FAH: variants seen among roughly 807,000 people sequenced by gnomAD.
The protein encoded by FAH is fumarylacetoacetate hydrolase.
FAH carries 47 observed loss-of-function variants against 55.8 expected under a neutral mutation model. The ratio of observed to expected loss-of-function variants is 0.84; its 90% CI spans 0.67 to 1.07. FAH has a LOEUF of 1.07. Among genes scored for constraint, FAH ranks in the 50% least tolerant of loss-of-function variants. The pLI is 0.00. For missense variants in FAH, 495 were observed against 545.9 expected (o/e 0.91, Z 0.93); for synonymous variants, 199 against 207.7 (o/e 0.96, Z 0.36).
At chr15:80,169,558 G>A (rs2041222825) in intron 7 of FAH, among the ~76,000 whole-genome samples, 1 of 151,650 alleles carries the variant, frequency 6.6e-6, no homozygotes, top group African/African-American at 2.4e-5. Context: ...TTCTGAGATG[G>A]AGTCTCACTC....
At chr15:80,160,318 G>C in intron 3 of FAH, 92 bp from the exon 4 acceptor site, 1 of 1,311,136 alleles carries the variant, frequency 7.6e-7, no homozygotes, top group South Asian at 1.2e-5. Context: ...TGGAGATTGT[G>C]GATAATCTTG....
In FAH at chr15:80,167,721, G is replaced by A. The variant is rs549594223; in HGVS notation, c.456-331G>A. 7.2e-5 allele frequency among the ~76,000 whole-genome samples: 11 copies of A among 151,976 alleles called. No individual in the cohort carries two copies. In the East Asian group the frequency reaches 1.4e-3, roughly 19 times the overall value. On this transcript the variant is annotated intron_variant, in intron 5 of 13. Coordinates refer to ENST00000561421, the MANE Select transcript of FAH (RefSeq NM_000137.4). ...TAATTTTTGTATTTTTAGTAAAGAC[G>A]GGGTTTCACCATGTTACCCAGGCTG...
chr15:80,184,003 A>G (rs1413067799), intron 13 of FAH, among the ~76,000 whole-genome samples: 2 of 152,186 alleles, frequency 1.3e-5, no homozygotes, highest in Non-Finnish European at 2.9e-5. Flanking sequence ...AAACCACAAA[A>G]TGTTCAGCAA....
At chr15:80,162,036 C>T (rs1209813225) in intron 4 of FAH, among the ~76,000 whole-genome samples, 2 of 152,196 alleles carry the variant, frequency 1.3e-5, no homozygotes, top group African/African-American at 4.8e-5. Context: ...CTCCTGATTT[C>T]TTATTTGTTT....
chr15:80,155,040 C>T (rs1197258685), intron 1 of FAH, among the ~76,000 whole-genome samples: 1 of 152,208 alleles, frequency 6.6e-6, no homozygotes, highest in African/African-American at 2.4e-5. Flanking sequence ...TGCCTTCAGG[C>T]CTTAGCACAT....
downstream of FAH, chr15:80,186,396 A>G (rs1392592912): frequency 3.0e-6 from 2 of 671,366 alleles, no homozygotes; most frequent in East Asian, 2.7e-5. Flanking sequence ...CAGTGGGTCA[A>G]GGTGTGTAAA....
chr15:80,179,693 G>A (rs2041313428), intron 11 of FAH, among the ~76,000 whole-genome samples: 1 of 152,198 alleles, frequency 6.6e-6, no homozygotes, highest in Non-Finnish European at 1.5e-5. Flanking sequence ...TGGGAGCGAG[G>A]GCTTTGCTCA....
chr15:80,172,501 A>G (rs1182358600), intron 8 of FAH, among the ~76,000 whole-genome samples: 1 of 152,000 alleles, frequency 6.6e-6, no homozygotes, highest in East Asian at 1.9e-4. Flanking sequence ...CTGAGCACTT[A>G]TGTGTCAGGC....
At chr15:80,161,814 AG>A (rs935176982) in intron 4 of FAH, among the ~76,000 whole-genome samples, 81 of 152,340 alleles carry the variant, frequency 5.3e-4, no homozygotes, top group African/African-American at 1.8e-3. Context: ...TAGAGAGAGC[AG>A]GGAGGGCTTC....
In FAH at chr15:80,168,079, C is replaced by T. The variant is rs116272698; in HGVS notation, c.483C>T (p.Gly161=). 1.6e-3 allele frequency: 2,541 copies of T among 1,614,126 alleles called. 33 individuals are homozygous for T. The African/African-American group carries it at 0.029, about 19-fold the overall frequency. The stretch of plus-strand genomic sequence containing the variant: ...TGCACTTACCAGTGGGCTACCATGG[C>T]CGTGCCTCCTCTGTCGTGGTGTCTG... ...NWLHLPVGYH[G]RASSVVVSGT... Residue 161 remains glycine (G), a synonymous_variant, in exon 6 of 14, where the codon GGC becomes GGT. Coordinates refer to ENST00000561421, the MANE Select transcript of FAH (RefSeq NM_000137.4).
chr15:80,181,044 G>A lies in FAH; in HGVS notation c.1065G>A (p.Glu355=). The A allele has an allele frequency of 1.9e-6, 3 of 1,611,988 alleles. No individual in the cohort carries two copies. Among genetic ancestry groups the A allele is most frequent in the Non-Finnish European group, 2.5e-6 (3 of 1,178,290 alleles). Residue 355 remains glutamate, a splice_region_variant and synonymous_variant, in exon 13 of 14, where the codon GAG becomes GAA. Coordinates refer to ENST00000561421, the MANE Select transcript of FAH (RefSeq NM_000137.4). ...LLASGTISGP[E]PENFGSMLEL... ...TTCTTCCCTTTCCTGTGATGAAGGA[G>A]CCAGAAAACTTCGGCTCCATGTTGG...
rs553825285 is a variant in FAH, at chr15:80,160,117, C to G, written c.314+240C>G. The G allele has an allele frequency of 1.4e-4, 86 of 635,116 alleles. No homozygotes were observed. The South Asian group carries it at 1.6e-3, about 12-fold the overall frequency. 39.3% of individuals were successfully genotyped at this position (635,116 alleles called of 1,614,324 possible). On this transcript the variant is annotated intron_variant, in intron 3 of 13. Coordinates refer to ENST00000561421, the MANE Select transcript of FAH (RefSeq NM_000137.4). The stretch of plus-strand genomic sequence containing the variant: ...AGGCCAGGCCAGGCCCATTGGCCCT[C>G]TCTCTTACTCAGGCTGTCCTCATTA...
intron 1 of FAH, among the ~76,000 whole-genome samples, chr15:80,155,395 G>A (rs2041089675): frequency 1.3e-5 from 2 of 152,172 alleles, no homozygotes; most frequent in Admixed American, 1.3e-4. Context: ...AACCTACTGT[G>A]AAGTTATTGT....
intron 3 of FAH, 60 bp from the exon 4 acceptor site, chr15:80,160,350 G>C: frequency 1.9e-6 from 3 of 1,550,142 alleles, no homozygotes; most frequent in Non-Finnish European, 2.7e-6. Context: ...GGCTGAGCCC[G>C]TGGGTGGGAC....
intron 9 of FAH, 66 bp from the exon 10 acceptor site, chr15:80,174,950 G>C: frequency 7.1e-7 from 1 of 1,399,820 alleles, no homozygotes; most frequent in South Asian, 1.2e-5. Flanking sequence ...TGGCTGGTAT[G>C]GGGGCCCAGC....
intron 1 of FAH, chr15:80,156,606 T>G (rs149447144): frequency 1.2e-4 from 19 of 152,302 alleles, no homozygotes; most frequent in Admixed American, 1.2e-3. Flanking sequence ...ACAAATGCGG[T>G]CTCCCTCCTT....
intron 3 of FAH, 33 bp from the exon 4 acceptor site, chr15:80,160,377 C>A: frequency 1.2e-6 from 2 of 1,613,312 alleles, no homozygotes; most frequent in Non-Finnish European, 1.7e-6. Context: ...TTGCTGCCTA[C>A]TTGACTTTGA....
chr15:80,171,181 C>G (rs955087149), intron 7 of FAH, among the ~76,000 whole-genome samples: 1 of 151,764 alleles, frequency 6.6e-6, no homozygotes, highest in Non-Finnish European at 1.5e-5. Context: ...GCCATGTTGG[C>G]GTGCTGCACC....
Position 80,183,441 on chromosome 15 carries a change from T to G in FAH, c.1180+2282T>G, listed in dbSNP as rs146480629. Among the ~76,000 whole-genome samples, 242 of 152,328 alleles carry G rather than the reference T, an allele frequency of 1.6e-3. 2 individuals carry two copies. Among genetic ancestry groups the G allele is most frequent in the South Asian group, 3.3e-3 (16 of 4,826 alleles). Reference sequence around the variant, plus strand: ...AGGTGGTGTGTCAGCTGTGTTACCTTGTGCAAAGGTTCCCCGCATTGGCGG... The same window carrying G: ...AGGTGGTGTGTCAGCTGTGTTACCTGGTGCAAAGGTTCCCCGCATTGGCGG... On this transcript the variant is annotated intron_variant, in intron 13 of 13. Transcript: ENST00000561421.
Sources: gnomAD v4.1 joint callset for allele counts (sites outside exome capture counted in the v4.1 genomes callset) on GRCh38, gnomAD v4.1.1 for gene constraint, MANE v1.5 for transcripts, NCBI Gene and HGNC (gene_info 2026-07-23, HGNC 2026-07-21) for gene names.